Variants in RPRD1A observed in about 807,000 individuals in gnomAD.
RPRD1A encodes regulation of nuclear pre-mRNA domain-containing protein 1A.
Under a neutral mutation model 37.8 loss-of-function variants are expected in RPRD1A, and 9 were observed. The observed-to-expected ratio is 0.24, with a 90% CI of 0.14 to 0.42. The LOEUF is 0.42. Ranked by LOEUF, RPRD1A falls within the 10% of genes least tolerant of loss-of-function variation. The probability of loss-of-function intolerance (pLI) is 1.00; values close to 1 mark genes in which losing one functional copy is unlikely to be tolerated. For synonymous variants in RPRD1A, 138 were observed against 139.7 expected, an observed-to-expected ratio of 0.99 and a Z score of 0.08; for missense variants, 255 against 371.0, an observed-to-expected ratio of 0.69 and a Z score of 2.57.
intron 1 of RPRD1A, among the ~76,000 whole-genome samples, chr18:36,050,074 T>C (rs998557073): frequency 6.6e-6 from 1 of 151,954 alleles, no homozygotes; most frequent in Non-Finnish European, 1.5e-5. Context: ...AAAAGGGTTG[T>C]TGGGGGAGAA....
chr18:36,009,114 T>G (rs1486082558), intron 6 of RPRD1A, among the ~76,000 whole-genome samples: 1 of 152,182 alleles, frequency 6.6e-6, no homozygotes, highest in East Asian at 1.9e-4. Context: ...GCTTTCTTTC[T>G]TATGTATTGT....
intron 1 of RPRD1A, among the ~76,000 whole-genome samples, chr18:36,057,270 CAT>C (rs1913857705): frequency 6.6e-6 from 1 of 151,600 alleles, no homozygotes; most frequent in Non-Finnish European, 1.5e-5. Context: ...CACACACACA[CAT>C]ACACACACCT....
chr18:36,009,949 G>A (rs578040120), intron 6 of RPRD1A, among the ~76,000 whole-genome samples: 11 of 151,994 alleles, frequency 7.2e-5, no homozygotes, highest in East Asian at 1.9e-4. Context: ...TTTCATTCCC[G>A]TCTCCATTTC....
At position 36,038,606 on chromosome 18, in the gene RPRD1A, G is replaced by A. The variant is rs145354230; in HGVS notation, c.152-4769C>T. Reference sequence around the variant, plus strand: ...TGGAGCTCTCACATGGGGTCCCCACGAGGCACTGCCTAGTGGAGTTCAAGA... The same window carrying A: ...TGGAGCTCTCACATGGGGTCCCCACAAGGCACTGCCTAGTGGAGTTCAAGA... On this transcript the variant is annotated intron_variant, in intron 1 of 6. Transcript: ENST00000399022. 1.4e-3 allele frequency among the ~76,000 whole-genome samples: 210 copies of A among 152,320 alleles called. 1 individual carries two copies. Among genetic ancestry groups the A allele is most frequent in the African/African-American group, 3.7e-3 (153 of 41,576 alleles).
At chr18:36,024,736 C>T (rs1211421840) in intron 6 of RPRD1A, among the ~76,000 whole-genome samples, 1 of 152,210 alleles carries the variant, frequency 6.6e-6, no homozygotes, top group Non-Finnish European at 1.5e-5. Flanking sequence ...GATAGTATCA[C>T]AGCTGATTCA....
rs1184268801 is a variant in RPRD1A at position 36,064,289 on chromosome 18, G to A, written c.151+2965C>T. 4 of 152,610 alleles carry A rather than the reference G, an allele frequency of 2.6e-5. No homozygotes were observed. In the East Asian group the frequency reaches 7.7e-4, roughly 29 times the overall value. The allele number at this position is 152,610 out of a possible 1,614,324, so 9.5% of individuals were successfully genotyped here. ...GGAGCCTGGGCTACGCGCGGTTCCG[G>A]GTGGGTGCCTGCTGGGCTTGATGGG... On this transcript the variant is annotated intron_variant, in intron 1 of 6. Transcript: ENST00000399022.
At chr18:36,010,591 A>G (rs1910118529) in intron 6 of RPRD1A, among the ~76,000 whole-genome samples, 1 of 152,202 alleles carries the variant, frequency 6.6e-6, no homozygotes, top group South Asian at 2.1e-4. Flanking sequence ...TTTCTCTACA[A>G]AAGAGAGTGA....
At chr18:36,033,625 T>G in intron 2 of RPRD1A, 83 bp downstream of exon 2, 1 of 1,202,702 alleles carries the variant, frequency 8.3e-7, no homozygotes. Context: ...ACTTTTTATT[T>G]TAATAGTTTA....
intron 1 of RPRD1A, among the ~76,000 whole-genome samples, chr18:36,060,926 C>T (rs903063070): frequency 2.0e-5 from 3 of 151,688 alleles, no homozygotes; most frequent in Non-Finnish European, 2.9e-5. Flanking sequence ...CCCAAGAGTT[C>T]AAGAGCAGCC....
chr18:36,054,896 CAGA>C (rs1490120049), intron 1 of RPRD1A, among the ~76,000 whole-genome samples: 1 of 152,092 alleles, frequency 6.6e-6, no homozygotes, highest in African/African-American at 2.4e-5. Flanking sequence ...AGGCAGTCAG[CAGA>C]AGTTCTCTCT....
At chr18:36,040,480 CTT>C (rs1258738012) in intron 1 of RPRD1A, among the ~76,000 whole-genome samples, 3 of 152,162 alleles carry the variant, frequency 2.0e-5, no homozygotes, top group African/African-American at 7.2e-5. Context: ...GAAGGGAAGA[CTT>C]AAACTAAACA....
intron 6 of RPRD1A, among the ~76,000 whole-genome samples, chr18:35,996,977 CAAAAAAAAAAAAA>C (rs200694089): frequency 0.29 from 16,436 of 55,748 alleles, 1,274 homozygotes; most frequent in East Asian, 0.48. Context: ...GACCCTGTCT[CAAAAAAAAAAAAA>C]AAAAAAAAAA....
intron 6 of RPRD1A, among the ~76,000 whole-genome samples, chr18:36,004,000 CTTTTTTTT>C (rs34397005): frequency 1.5e-4 from 13 of 85,188 alleles, no homozygotes; most frequent in African/African-American, 6.1e-4. Flanking sequence ...CAGACACAGA[CTTTTTTTT>C]TTTTTTTTTT....
chr18:35,995,725 G>A (rs1292383640), intron 6 of RPRD1A, among the ~76,000 whole-genome samples: 1 of 152,118 alleles, frequency 6.6e-6, no homozygotes, highest in Non-Finnish European at 1.5e-5. Context: ...AGTATGAAAA[G>A]GAGGGAAAAA....
intron 6 of RPRD1A, among the ~76,000 whole-genome samples, chr18:36,008,577 G>GTGTGTATGTATATA: frequency 8.4e-5 from 4 of 47,800 alleles, no homozygotes; most frequent in Non-Finnish European, 1.3e-4. Context: ...CCTTGTGTGT[G>GTGTGTATGTATATA]TATATATATA....
At position 35,993,032 on chromosome 18, in the gene RPRD1A, G is replaced by T; in HGVS notation, c.*119C>A. On this transcript the variant is annotated 3_prime_UTR_variant, in exon 7 of 7. Transcript: ENST00000399022. ...TTTTAAACAATTTTATAAATTACTC[G>T]TTGTTCCTTTTGTTAGTGTTTCTTT... 2.5e-6 allele frequency: 2 copies of T among 792,018 alleles called. No individual in the cohort carries two copies. The highest frequency in any genetic ancestry group is 3.6e-6 in the Non-Finnish European group (2 of 548,958). The allele number at this position is 792,018 out of a possible 1,614,324, so 49.1% of individuals were successfully genotyped here. A position where few individuals can be genotyped will look rare whatever the true frequency, so the allele number is the denominator to read the frequency against.
intron 1 of RPRD1A, among the ~76,000 whole-genome samples, chr18:36,035,749 T>C (rs569278985): frequency 4.7e-4 from 72 of 152,342 alleles, no homozygotes; most frequent in African/African-American, 1.5e-3. Context: ...AATAAAGTAT[T>C]ATTCAGCCTT....
Position 36,031,112 on chromosome 18 carries a change from AAAG to A in RPRD1A, c.282-18_282-16del, listed in dbSNP as rs1598633276. 2.6e-6 allele frequency: 4 copies of A among 1,526,132 alleles called. No homozygotes were observed. The highest frequency in any genetic ancestry group is 1.7e-6 in the Non-Finnish European group (2 of 1,143,972). 94.5% of individuals were successfully genotyped at this position (1,526,132 alleles called of 1,614,324 possible). A position where few individuals can be genotyped will look rare whatever the true frequency, so the allele number is the denominator to read the frequency against. ...CATCAGTTTCACTAAAAAAAAAAAA[AAAG>A]AAAAAAAGAAAAATGTTAACAGTAA... On this transcript the variant is annotated splice_polypyrimidine_tract_variant and intron_variant, in intron 2 of 6. Transcript: ENST00000399022.
At chr18:36,052,692 G>A (rs1050817237) in intron 1 of RPRD1A, among the ~76,000 whole-genome samples, 2 of 152,008 alleles carry the variant, frequency 1.3e-5, no homozygotes, top group South Asian at 2.1e-4. Flanking sequence ...TCCACCTCCC[G>A]AGCTCAAGCG....
Sources: gnomAD v4.1 joint callset for allele counts (sites outside exome capture counted in the v4.1 genomes callset) on GRCh38, gnomAD v4.1.1 for gene constraint, MANE v1.5 for transcripts, NCBI Gene and HGNC (gene_info 2026-07-23, HGNC 2026-07-21) for gene names.